The following BLK variants were observed in gnomAD, a reference collection of about 807,000 sequenced individuals.
The protein encoded by BLK is tyrosine-protein kinase Blk.
A neutral mutation model predicts 61.8 loss-of-function variants in BLK; 64 were observed. The observed-to-expected ratio is 1.03, with a 90% CI of 0.85 to 1.27. The LOEUF (loss-of-function observed/expected upper bound fraction) is 1.27, where lower values mean the gene tolerates loss of function less well. Ranked by LOEUF, BLK falls within the 50% of genes most tolerant of loss-of-function variation. The pLI is 0.00. For missense variants in BLK, 853 were observed against 660.5 expected, an observed-to-expected ratio of 1.29 and a Z score of -3.19; for synonymous variants, 351 against 272.0, an observed-to-expected ratio of 1.29 and a Z score of -2.86.
intron 1 of BLK, among the ~76,000 whole-genome samples, chr8:11,508,054 G>C (rs973358818): frequency 6.6e-6 from 1 of 152,146 alleles, no homozygotes; most frequent in African/African-American, 2.4e-5. Context: ...AAGTCATGTG[G>C]TCCTCACAAC....
intron 1 of BLK, among the ~76,000 whole-genome samples, chr8:11,516,695 G>C (rs1291629296): frequency 6.6e-6 from 1 of 152,156 alleles, no homozygotes; most frequent in Non-Finnish European, 1.5e-5. Context: ...TTGTCCTTTT[G>C]TGTCTGGCCA....
At chr8:11,532,483 T>G (rs569358663) in intron 1 of BLK, among the ~76,000 whole-genome samples, 168 of 152,186 alleles carry the variant, frequency 1.1e-3, no homozygotes, top group African/African-American at 3.9e-3. Context: ...AGTGCTGGGA[T>G]TACAGGCATG....
intron 1 of BLK, among the ~76,000 whole-genome samples, chr8:11,520,634 A>T (rs1054014257): frequency 6.6e-6 from 1 of 152,186 alleles, no homozygotes; most frequent in African/African-American, 2.4e-5. Context: ...CTGCAAGCCT[A>T]TAGCCAGATT....
In BLK at chr8:11,556,807, A is replaced by G. The variant is rs138547659; in HGVS notation, c.922A>G (p.Ile308Val). 167 of 1,614,174 alleles carry G rather than the reference A, an allele frequency of 1.0e-4. No individual in the cohort carries two copies. The highest frequency in any genetic ancestry group is 9.9e-4 in the African/African-American group (74 of 75,046). Residue 308 changes from isoleucine to valine, a missense_variant, in exon 9 of 13, where the codon ATC becomes GTC. Transcript: ENST00000259089. Reference protein sequence around the residue: ...RLYAVVTKEPIYIVTEYMARG... With the variant: ...RLYAVVTKEPVYIVTEYMARG... ...CTACGCAGTGGTCACCAAGGAGCCCATCTACATTGTCACCGAGTACATGGC... is the reference window on the plus strand; with the variant it reads ...CTACGCAGTGGTCACCAAGGAGCCCGTCTACATTGTCACCGAGTACATGGC...
rs71203399 is a variant in BLK at position 11,561,826 on chromosome 8, ATT to A, written c.1180+387_1180+388del. Among the ~76,000 whole-genome samples, 1,238 of 146,190 alleles carry A rather than the reference ATT, an allele frequency of 8.5e-3. 9 individuals carry two copies. The highest frequency in any genetic ancestry group is 0.026 in the African/African-American group (1,017 of 39,776). Reference sequence around the variant, plus strand: ...CAAACTAATTTGAGCTCCAAATACTATTTTTTTTTTTTTTGAGATGGAGTCTC... The same window carrying A: ...CAAACTAATTTGAGCTCCAAATACTATTTTTTTTTTTTGAGATGGAGTCTC... On this transcript the variant is annotated intron_variant, in intron 11 of 12. Coordinates refer to ENST00000259089, the MANE Select transcript of BLK (RefSeq NM_001715.3).
chr8:11,548,159 A>C, intron 4 of BLK, 34 bp downstream of exon 4: 1 of 1,544,212 alleles, frequency 6.5e-7, no homozygotes, highest in Non-Finnish European at 8.9e-7. Flanking sequence ...CTGTCCCTGC[A>C]GGACCCCCCT....
At chr8:11,558,737 A>T (rs1218537563) in intron 10 of BLK, 5 of 456,124 alleles carry the variant, frequency 1.1e-5, no homozygotes, top group Admixed American at 9.4e-5. Context: ...CAGGAAGCAC[A>T]TCTGGTGGCC....
chr8:11,539,340 C>A (rs1253266412), intron 1 of BLK, among the ~76,000 whole-genome samples: 1 of 152,146 alleles, frequency 6.6e-6, no homozygotes, highest in East Asian at 1.9e-4. Flanking sequence ...TGGTGAAGAT[C>A]CAGCACATTT....
chr8:11,557,532 C>T (rs1801292273), intron 9 of BLK, among the ~76,000 whole-genome samples: 1 of 152,220 alleles, frequency 6.6e-6, no homozygotes, highest in Non-Finnish European at 1.5e-5. Context: ...GGGGACAGTT[C>T]TCTCCATTCT....
chr8:11,526,665 G>A (rs916984113), intron 1 of BLK, among the ~76,000 whole-genome samples: 17 of 152,210 alleles, frequency 1.1e-4, no homozygotes. Context: ...GTTGCAGTGA[G>A]CTGAGACTGT....
Position 11,559,247 on chromosome 8 carries a change from T to C in BLK, c.1029+1209T>C, listed in dbSNP as rs1246763287. ...CAGAACTTCCCAGAAGGGCAGCCTC[T>C]AACCACATGCTGACCATGCCAATGG... is the stretch of plus-strand genomic sequence containing the variant. On this transcript the variant is annotated intron_variant, in intron 10 of 12. Transcript: ENST00000259089. Among the ~76,000 whole-genome samples the C allele has an allele frequency of 2.6e-5, 4 of 152,080 alleles. No individual in the cohort carries two copies. In the East Asian group the frequency reaches 7.7e-4, roughly 29 times the overall value.
At position 11,555,433 on chromosome 8, in the gene BLK, C is replaced by G. The variant is rs1374239944; in HGVS notation, c.721C>G (p.Leu241Val). Residue 241 changes from leucine to valine, a missense_variant, in exon 8 of 13, where the codon CTC becomes GTC. By Grantham distance (32) the Leu-to-Val change is conservative. Coordinates refer to ENST00000259089, the MANE Select transcript of BLK (RefSeq NM_001715.3). ...QDEWEIPRQS[L>V]RLVRKLGSGQ... ...TGAATGGGAGATCCCCCGGCAGTCTCTCAGGCTGGTCAGGAAACTCGGGTC... is the reference window on the plus strand; with the variant it reads ...TGAATGGGAGATCCCCCGGCAGTCTGTCAGGCTGGTCAGGAAACTCGGGTC... The G allele has an allele frequency of 1.2e-6, 2 of 1,614,196 alleles. No individual in the cohort carries two copies. Among genetic ancestry groups the G allele is most frequent in the Non-Finnish European group, 1.7e-6 (2 of 1,180,024 alleles).
At chr8:11,560,963 C>T (rs1292287011) in intron 10 of BLK, 2 of 508,224 alleles carry the variant, frequency 3.9e-6, no homozygotes, top group South Asian at 1.5e-5. Context: ...CCTTCCTTAC[C>T]ATTTCTTCTC....
At chr8:11,532,634 T>G (rs1209304525) in intron 1 of BLK, among the ~76,000 whole-genome samples, 1 of 152,182 alleles carries the variant, frequency 6.6e-6, no homozygotes, top group Non-Finnish European at 1.5e-5. Context: ...TTTGAACCAG[T>G]TTATATATTT....
chr8:11,558,368 T>C (rs147106625), intron 10 of BLK: 207 of 385,534 alleles, frequency 5.4e-4, no homozygotes, highest in African/African-American at 4.1e-3. Context: ...TTAGCAAGAG[T>C]TCCATTGAAC....
chr8:11,562,651 A>C (rs1033303586), intron 11 of BLK, among the ~76,000 whole-genome samples: 10 of 152,266 alleles, frequency 6.6e-5, no homozygotes, highest in Admixed American at 3.3e-4. Flanking sequence ...AGGCCCCTGT[A>C]AGGTGAAACA....
intron 1 of BLK, among the ~76,000 whole-genome samples, chr8:11,500,771 C>T (rs1798527634): frequency 1.3e-5 from 2 of 152,170 alleles, no homozygotes; most frequent in Admixed American, 1.3e-4. Flanking sequence ...CCTCAGCCTC[C>T]CAAAGTGCTG....
chr8:11,527,336 A>G (rs1799698443), intron 1 of BLK, among the ~76,000 whole-genome samples: 1 of 152,208 alleles, frequency 6.6e-6, no homozygotes, highest in Admixed American at 6.5e-5. Context: ...TATAAAGTCC[A>G]CCACAATCAA....
intron 1 of BLK, among the ~76,000 whole-genome samples, chr8:11,512,402 C>G (rs974557592): frequency 7.2e-5 from 11 of 152,236 alleles, no homozygotes; most frequent in African/African-American, 2.7e-4. Flanking sequence ...CCTGAAATCA[C>G]TCTGACGACA....
Sources: allele counts gnomAD v4.1 joint callset (sites outside exome capture counted in the v4.1 genomes callset), GRCh38; gene constraint gnomAD v4.1.1; transcripts MANE v1.5; gene names NCBI Gene and HGNC (gene_info 2026-07-23, HGNC 2026-07-21).